CYRIB: variants seen among roughly 807,000 people sequenced by gnomAD.
The protein encoded by CYRIB is CYFIP-related Rac1 interactor B.
In CYRIB, 8 loss-of-function variants were observed where a neutral mutation model predicts 44.2. The observed-to-expected ratio is 0.18, with a 90% confidence interval of 0.11 to 0.33. The LOEUF is 0.33. CYRIB is among the 10% of genes least tolerant of loss of function. The pLI is 1.00. For synonymous variants in CYRIB, 131 were observed against 127.2 expected (o/e 1.03, Z -0.20); for missense variants, 185 against 382.8 (o/e 0.48, Z 4.31).
At chr8:129,864,858 G>C in intron 4 of CYRIB, 1 of 414,470 alleles carries the variant, frequency 2.4e-6, no homozygotes, top group Non-Finnish European at 4.7e-6. Context: ...TTTCCTCATT[G>C]ATCAATTCCA....
intron 1 of CYRIB, among the ~76,000 whole-genome samples, chr8:129,935,437 T>A (rs985024777): frequency 2.0e-5 from 3 of 152,180 alleles, no homozygotes; most frequent in African/African-American, 7.2e-5. Flanking sequence ...GCACAAAACC[T>A]GGATGCCTCT....
chr8:129,941,770 C>A (rs142796921), upstream of CYRIB, among the ~76,000 whole-genome samples: 32 of 152,250 alleles, frequency 2.1e-4, no homozygotes, highest in East Asian at 1.3e-3. Flanking sequence ...TAACCACACA[C>A]CTCTAACCCT....
chr8:129,961,130 T>A (rs537779743), intron 2 of CYRIB, among the ~76,000 whole-genome samples: 1 of 152,146 alleles, frequency 6.6e-6, no homozygotes, highest in Admixed American at 6.6e-5. Context: ...TGACTCTAAA[T>A]AAGCCTCGGC....
intron 2 of CYRIB, among the ~76,000 whole-genome samples, chr8:129,957,647 A>G (rs1459902894): frequency 6.6e-6 from 1 of 152,102 alleles, no homozygotes; most frequent in African/African-American, 2.4e-5. Context: ...CCTGGCCAAC[A>G]TGGTGAAACC....
At chr8:130,006,160 G>A (rs1177854601) in intron 1 of CYRIB, among the ~76,000 whole-genome samples, 1 of 151,630 alleles carries the variant, frequency 6.6e-6, no homozygotes, top group East Asian at 2.0e-4. Context: ...AAAATTAGCC[G>A]GGCATGGTGG....
At chr8:129,927,681 T>G (rs1349636420) in intron 1 of CYRIB, among the ~76,000 whole-genome samples, 1 of 152,226 alleles carries the variant, frequency 6.6e-6, no homozygotes, top group Non-Finnish European at 1.5e-5. Flanking sequence ...GCTTTTTTCT[T>G]TTACTACTCT....
chr8:129,873,371 T>G (rs944146592), intron 3 of CYRIB, among the ~76,000 whole-genome samples: 5 of 152,026 alleles, frequency 3.3e-5, no homozygotes, highest in African/African-American at 1.2e-4. Context: ...AGTAATAATT[T>G]ACTGCTAAAT....
intron 2 of CYRIB, among the ~76,000 whole-genome samples, chr8:129,951,223 G>C (rs185962093): frequency 8.5e-5 from 13 of 152,284 alleles, no homozygotes; most frequent in African/African-American, 2.6e-4. Context: ...AGAATCACTT[G>C]AGCCTGGGAG....
rs184990322 is a variant in CYRIB, at chr8:129,914,156, T to A, written c.-49-10806A>T. On this transcript the variant is annotated intron_variant, in intron 1 of 11. Transcript: ENST00000519824. ...ACAAATCCATGAGATACTTTTTTTT[T>A]AAATGGGCAACTGAAGGAGAGGATT... 5.3e-3 allele frequency among the ~76,000 whole-genome samples: 811 copies of A among 152,236 alleles called. 3 individuals are homozygous for A. The highest frequency in any genetic ancestry group is 0.01 in the Middle Eastern group (3 of 294).
intron 2 of CYRIB, chr8:129,880,234 C>G (rs1033868411): frequency 1.4e-5 from 4 of 294,356 alleles, no homozygotes; most frequent in African/African-American, 6.8e-5. Flanking sequence ...TGTTTGCCTA[C>G]GATTAAGAAA....
chr8:129,886,885 C>A (rs1264295172), intron 2 of CYRIB, among the ~76,000 whole-genome samples: 2 of 152,144 alleles, frequency 1.3e-5, no homozygotes, highest in Non-Finnish European at 2.9e-5. Context: ...CCAACCCAGC[C>A]TCCTCCTACA....
intron 5 of CYRIB, among the ~76,000 whole-genome samples, chr8:129,860,358 G>C (rs1190559791): frequency 6.6e-6 from 1 of 152,152 alleles, no homozygotes; most frequent in Non-Finnish European, 1.5e-5. Context: ...AGAAACCAGC[G>C]TAAGAAAAGC....
Position 130,001,145 on chromosome 8 carries a change from C to T in CYRIB, c.-296+15225G>A, listed in dbSNP as rs916510458. Among the ~76,000 whole-genome samples the T allele has an allele frequency of 1.3e-5, 2 of 152,172 alleles. 1 individual carries two copies. ...AATCCCATAAACGGTTATAGCTCAGCCAGCCGCTGGGGTGCCTTCGTCTGT... is the reference window on the plus strand; with the variant it reads ...AATCCCATAAACGGTTATAGCTCAGTCAGCCGCTGGGGTGCCTTCGTCTGT... On this transcript the variant is annotated intron_variant, in intron 1 of 14. Transcript: ENST00000401979.
intron 1 of CYRIB, among the ~76,000 whole-genome samples, chr8:129,989,206 G>A (rs1345930000): frequency 6.6e-6 from 1 of 152,060 alleles, no homozygotes; most frequent in Admixed American, 6.6e-5. Flanking sequence ...TGGGTCTCTG[G>A]AAAATGGGGT....
At chr8:129,927,222 G>A (rs2088341441) in intron 1 of CYRIB, among the ~76,000 whole-genome samples, 1 of 152,078 alleles carries the variant, frequency 6.6e-6, no homozygotes, top group African/African-American at 2.4e-5. Flanking sequence ...AACCCAGGAG[G>A]CGAAGGTTGC....
intron 2 of CYRIB, among the ~76,000 whole-genome samples, chr8:129,966,435 GTT>G (rs1170182042): frequency 2.6e-5 from 4 of 152,178 alleles, no homozygotes; most frequent in African/African-American, 9.7e-5. Flanking sequence ...ACAAAAGGTT[GTT>G]TTGTTTTTAA....
At chr8:129,880,797 T>C (rs2060545439) in intron 2 of CYRIB, among the ~76,000 whole-genome samples, 1 of 152,224 alleles carries the variant, frequency 6.6e-6, no homozygotes, top group African/African-American at 2.4e-5. Flanking sequence ...CAAAACTAGA[T>C]TTCTCAAATA....
At chr8:129,870,544 A>G (rs1564400551) in intron 4 of CYRIB, among the ~76,000 whole-genome samples, 1 of 152,196 alleles carries the variant, frequency 6.6e-6, no homozygotes, top group Non-Finnish European at 1.5e-5. Flanking sequence ...TAGTACTCCA[A>G]TGTCAGAAGA....
chr8:129,862,742 G>T (rs1459790943), intron 4 of CYRIB, among the ~76,000 whole-genome samples: 5 of 152,180 alleles, frequency 3.3e-5, no homozygotes, highest in African/African-American at 1.2e-4. Context: ...AAAGTGCTGG[G>T]ATTATAGGCG....
Sources: gnomAD v4.1 joint callset for allele counts (sites outside exome capture counted in the v4.1 genomes callset) on GRCh38, gnomAD v4.1.1 for gene constraint, MANE v1.5 for transcripts, NCBI Gene and HGNC (gene_info 2026-07-23, HGNC 2026-07-21) for gene names.